PFKFB1: variants seen among roughly 807,000 people sequenced by gnomAD.
PFKFB1 encodes the protein 6-phosphofructo-2-kinase/fructose-2,6-bisphosphatase 1.
In PFKFB1, 34 loss-of-function variants were observed where a neutral mutation model predicts 46.4. The ratio of observed to expected loss-of-function variants is 0.73; its 90% confidence interval spans 0.56 to 0.98. The LOEUF (loss-of-function observed/expected upper bound fraction) is 0.98. PFKFB1 is among the 50% of genes least tolerant of loss of function. PFKFB1 has a pLI of 0.00. For missense variants in PFKFB1, 393 were observed against 376.3 expected, an observed-to-expected ratio of 1.04 and a Z score of -0.37; for synonymous variants, 119 against 133.8, an observed-to-expected ratio of 0.89 and a Z score of 0.76.
intron 10 of PFKFB1, among the ~76,000 whole-genome samples, chrX:54,942,327 G>T (rs1482693687): frequency 3.6e-5 from 4 of 111,014 alleles, no homozygotes. Flanking sequence ...CACCAGCATG[G>T]CACATGTATA....
intron 3 of PFKFB1, 145 bp from the exon 4 acceptor site, chrX:54,960,038 C>CT (rs752081856): frequency 2.0e-6 from 1 of 497,641 alleles, no homozygotes; most frequent in Non-Finnish European, 3.6e-6. Flanking sequence ...GTGCCCTACG[C>CT]TTTAGGCACC....
intron 1 of PFKFB1, among the ~76,000 whole-genome samples, chrX:54,980,408 T>G (rs1934949806): frequency 9.2e-6 from 1 of 108,632 alleles, no homozygotes; most frequent in African/African-American, 3.4e-5. Context: ...TGTCAAAGGA[T>G]TGACACATTT....
chrX:54,974,381 G>A (rs1345687649), intron 1 of PFKFB1, among the ~76,000 whole-genome samples: 3 of 111,255 alleles, frequency 2.7e-5, no homozygotes, highest in Non-Finnish European at 5.7e-5. Context: ...TAATGATGCT[G>A]GGATAATTGG....
At chrX:54,997,437 T>C (rs914874925), upstream of PFKFB1, among the ~76,000 whole-genome samples, 2 of 111,671 alleles carry the variant, frequency 1.8e-5, no homozygotes, top group African/African-American at 6.5e-5. Flanking sequence ...GAAGAAAAGA[T>C]TACAATGTGA....
Position 54,933,110 on chromosome X carries a change from AG to A in PFKFB1, c.*292del, listed in dbSNP as rs1290203068. Reference sequence around the variant, plus strand: ...GCAGAGCTGGGTCAGGATTAGGGTCAGTACCTTGAGAACAACTGGAAAAGCC... The same window carrying A: ...GCAGAGCTGGGTCAGGATTAGGGTCATACCTTGAGAACAACTGGAAAAGCC... On this transcript the variant is annotated 3_prime_UTR_variant, in exon 14 of 14. Coordinates refer to ENST00000375006, the MANE Select transcript of PFKFB1 (RefSeq NM_002625.4). 4 of 329,065 alleles carry A rather than the reference AG, an allele frequency of 1.2e-5. 1 individual carries two copies. Among genetic ancestry groups the A allele is most frequent in the African/African-American group, 1.0e-4 (4 of 38,243 alleles). The allele number at this position is 329,065 out of a possible 1,213,427, so 27.1% of individuals were successfully genotyped here. A position where few individuals can be genotyped will look rare whatever the true frequency, so the allele number is the denominator to read the frequency against.
intron 7 of PFKFB1, among the ~76,000 whole-genome samples, chrX:54,953,215 G>A (rs960021611): frequency 8.9e-6 from 1 of 111,771 alleles, no homozygotes; most frequent in African/African-American, 3.3e-5. Flanking sequence ...GACACCAGCA[G>A]CCCTGGTTGC....
intron 10 of PFKFB1, among the ~76,000 whole-genome samples, chrX:54,940,013 T>A (rs1933561681): frequency 1.8e-5 from 2 of 111,770 alleles, no homozygotes; most frequent in Admixed American, 1.9e-4. Context: ...GCAAACCGAA[T>A]CCAGCAACAC....
intron 1 of PFKFB1, among the ~76,000 whole-genome samples, chrX:54,970,341 TTTA>T (rs1200569378): frequency 9.0e-6 from 1 of 110,886 alleles, no homozygotes; most frequent in Middle Eastern, 4.2e-3. Context: ...TTTTTTTAGT[TTTA>T]TTATTATTAT....
intron 9 of PFKFB1, among the ~76,000 whole-genome samples, chrX:54,947,089 C>T (rs919981690): frequency 9.0e-6 from 1 of 111,096 alleles, no homozygotes; most frequent in Non-Finnish European, 1.9e-5. Context: ...CATACAATAC[C>T]CTCTTTGTTT....
At chrX:54,943,001 G>A (rs1165370525) in intron 10 of PFKFB1, among the ~76,000 whole-genome samples, 2 of 111,264 alleles carry the variant, frequency 1.8e-5, no homozygotes, top group African/African-American at 3.3e-5. Flanking sequence ...GAGACATGAA[G>A]AATAGAGGCA....
intron 10 of PFKFB1, among the ~76,000 whole-genome samples, chrX:54,938,172 G>A (rs986875736): frequency 3.5e-4 from 39 of 112,077 alleles, no homozygotes; most frequent in Non-Finnish European, 5.1e-4. Context: ...AAAACCGTAC[G>A]GAAGTAGAAG....
intron 1 of PFKFB1, among the ~76,000 whole-genome samples, chrX:54,971,953 A>G (rs1225135171): frequency 9.0e-6 from 1 of 111,558 alleles, no homozygotes; most frequent in Admixed American, 9.5e-5. Flanking sequence ...CATGATATTG[A>G]TTCTTCCTAC....
At chrX:54,943,601 A>G (rs1283658136) in intron 10 of PFKFB1, among the ~76,000 whole-genome samples, 1 of 110,021 alleles carries the variant, frequency 9.1e-6, no homozygotes, top group African/African-American at 3.3e-5. Context: ...AATACAAAAA[A>G]TTAGCCAGGT....
chrX:54,941,388 A>C (rs1476661993), intron 10 of PFKFB1, among the ~76,000 whole-genome samples: 1 of 112,097 alleles, frequency 8.9e-6, no homozygotes, highest in Non-Finnish European at 1.9e-5. Context: ...AAAACAGACA[A>C]ATGGGATCTA....
rs1602233627 is a variant in PFKFB1, at chrX:54,994,129, G to T, written c.-122C>A. 5 of 1,105,507 alleles carry T rather than the reference G, an allele frequency of 4.5e-6. No individual in the cohort carries two copies. The East Asian group carries it at 1.0e-4, about 22-fold the overall frequency. The allele number at this position is 1,105,507 out of a possible 1,213,427, so 91.1% of individuals were successfully genotyped here. A position where few individuals can be genotyped will look rare whatever the true frequency, so the allele number is the denominator to read the frequency against. Reference sequence around the variant, plus strand: ...CAGGTGGACAGGGCTGGGACAGGGGGTGTACTGGGTTTCTGAGCCCTCTCA... The same window carrying T: ...CAGGTGGACAGGGCTGGGACAGGGGTTGTACTGGGTTTCTGAGCCCTCTCA... On this transcript the variant is annotated 5_prime_UTR_variant, in exon 1 of 14. Transcript: ENST00000375006.
intron 11 of PFKFB1, among the ~76,000 whole-genome samples, chrX:54,936,566 ATT>A (rs1933402600): frequency 9.0e-6 from 1 of 111,458 alleles, no homozygotes; most frequent in Non-Finnish European, 1.9e-5. Flanking sequence ...TGGGTCTCCC[ATT>A]TCCTCATCTG....
chrX:54,933,965 C>T (rs1286521098), intron 12 of PFKFB1, 80 bp from the exon 13 acceptor site: 1 of 723,001 alleles, frequency 1.4e-6, no homozygotes, highest in African/African-American at 2.1e-5. Context: ...TCCCCTCCCC[C>T]ATCACCAGCC....
chrX:54,963,501 C>A, intron 1 of PFKFB1, 119 bp from the exon 2 acceptor site: 2 of 766,415 alleles, frequency 2.6e-6, no homozygotes, highest in Non-Finnish European at 3.7e-6. Context: ...ACGAAAAAAC[C>A]GGGAAAGTGA....
chrX:54,981,682 A>G (rs1299983103), intron 1 of PFKFB1, among the ~76,000 whole-genome samples: 1 of 111,808 alleles, frequency 8.9e-6, no homozygotes, highest in Non-Finnish European at 1.9e-5. Context: ...AACTAAGCCA[A>G]CACTGACTTG....
Sources: gnomAD v4.1 joint callset for allele counts (sites outside exome capture counted in the v4.1 genomes callset) on GRCh38, gnomAD v4.1.1 for gene constraint, MANE v1.5 for transcripts, NCBI Gene and HGNC (gene_info 2026-07-23, HGNC 2026-07-21) for gene names.